CLSTN1: variants seen among roughly 807,000 people sequenced by gnomAD.
CLSTN1 encodes calsyntenin-1.
A neutral mutation model predicts 108.3 loss-of-function variants in CLSTN1; 28 were observed. The ratio of observed to expected loss-of-function variants is 0.26; its 90% confidence interval spans 0.19 to 0.35. CLSTN1 has a LOEUF of 0.35. CLSTN1 is among the 10% of genes least tolerant of loss of function. CLSTN1 has a pLI of 1.00. For synonymous variants in CLSTN1, 524 were observed against 534.9 expected (o/e 0.98, Z 0.28); for missense variants, 1,157 against 1,302.6 (o/e 0.89, Z 1.72).
chr1:9,810,946 T>C lies in CLSTN1; in HGVS notation c.91+12697A>G, dbSNP rs115063685. Among the ~76,000 whole-genome samples the C allele has an allele frequency of 7.3e-3, 1,113 of 152,302 alleles. 13 individuals carry two copies. The highest frequency in any genetic ancestry group is 0.025 in the African/African-American group (1,042 of 41,558). ...ACCCTCACAACAATGTATGATATACTTTATATGCAACAAGAAAAATGCAAT... is the reference window on the plus strand; with the variant it reads ...ACCCTCACAACAATGTATGATATACCTTATATGCAACAAGAAAAATGCAAT... On this transcript the variant is annotated intron_variant, in intron 1 of 18. Coordinates refer to ENST00000377298, the MANE Select transcript of CLSTN1 (RefSeq NM_001009566.3).
At position 9,733,989 on chromosome 1, in the gene CLSTN1, A is replaced by G; in HGVS notation, c.2264T>C (p.Leu755Pro). The change falls in exon 15 of 19, where the codon CTG (leucine) becomes CCG (proline). Residue 755 changes from leucine to proline, a missense_variant. Coordinates refer to ENST00000377298, the MANE Select transcript of CLSTN1 (RefSeq NM_001009566.3). ...CCCCTTACCTGTGAAGGTCATGCCC[A>G]GTTCAGAGCTGCTCACTTCAATGCC... ...QKGIEVSSSE[L>P]GMTFTGVDTM... 6.2e-7 allele frequency: 1 copy of G among 1,613,844 alleles called. No individual in the cohort carries two copies. The highest frequency in any genetic ancestry group is 8.5e-7 in the Non-Finnish European group (1 of 1,179,918).
At position 9,730,551 on chromosome 1, in the gene CLSTN1, C is replaced by T. The variant is rs750086603; in HGVS notation, c.2903G>A (p.Arg968Gln). Residue 968 changes from arginine to glutamine, a missense_variant, in exon 19 of 19, where the codon CGG becomes CAG. Coordinates refer to ENST00000377298, the MANE Select transcript of CLSTN1 (RefSeq NM_001009566.3). The surrounding 1 kb of genome is among the most constrained non-coding windows in gnomAD (Gnocchi z 5.6). ...GTCATCCCACTCCAGCTGCTGCTGC[C>T]GGGTTGCGTTCTGGGGGTCGCCCTG... ...GEQGDPQNAT[R>Q]QQQLEWDDST... The T allele has an allele frequency of 1.0e-5, 16 of 1,607,692 alleles. No individual in the cohort carries two copies. The highest frequency in any genetic ancestry group is 7.7e-5 in the South Asian group (7 of 91,064).
At chr1:9,785,856 C>T (rs1034915205) in intron 1 of CLSTN1, among the ~76,000 whole-genome samples, 3 of 151,740 alleles carry the variant, frequency 2.0e-5, no homozygotes, top group African/African-American at 4.8e-5. Context: ...GACACCCCAC[C>T]CAGCTTGAAG....
intron 2 of CLSTN1, among the ~76,000 whole-genome samples, chr1:9,760,898 C>A (rs1264784797): frequency 6.6e-6 from 1 of 151,866 alleles, no homozygotes; most frequent in Admixed American, 6.6e-5. Context: ...CACTCGCTAT[C>A]CTAAACTCAG....
intron 1 of CLSTN1, among the ~76,000 whole-genome samples, chr1:9,804,220 G>C (rs189924172): frequency 6.6e-6 from 1 of 151,912 alleles, no homozygotes; most frequent in Non-Finnish European, 1.5e-5. Flanking sequence ...AAAATTAGCC[G>C]GGCGTGGTGG....
intron 4 of CLSTN1, among the ~76,000 whole-genome samples, chr1:9,752,739 G>GT (rs1651612148): frequency 1.3e-5 from 2 of 152,048 alleles, no homozygotes; most frequent in Admixed American, 1.3e-4. Flanking sequence ...GAGCGTGCCT[G>GT]TAATCCCAGC....
chr1:9,790,459 T>C (rs1653711173), intron 1 of CLSTN1, among the ~76,000 whole-genome samples: 1 of 151,438 alleles, frequency 6.6e-6, no homozygotes, highest in South Asian at 2.2e-4. Context: ...GAAACAGTCT[T>C]ATGTATGTGG....
chr1:9,823,893 C>G lies in CLSTN1; in HGVS notation c.-160G>C. On this transcript the variant is annotated 5_prime_UTR_variant, in exon 1 of 19. Transcript: ENST00000377298. The surrounding 1 kb of genome is among the most constrained non-coding windows in gnomAD (Gnocchi z 6.3). Reference sequence around the variant, plus strand: ...CGCCGCCGCCGCCGTGACGCTGGGCCGCGCGCTCAGGACGCGGCGCCCTCC... The same window carrying G: ...CGCCGCCGCCGCCGTGACGCTGGGCGGCGCGCTCAGGACGCGGCGCCCTCC... 5.2e-6 allele frequency: 1 copy of G among 194,086 alleles called. No individual in the cohort carries two copies. Among genetic ancestry groups the G allele is most frequent in the Non-Finnish European group, 9.6e-6 (1 of 103,778 alleles). 12.0% of individuals were successfully genotyped at this position (194,086 alleles called of 1,614,324 possible). A position where few individuals can be genotyped will look rare whatever the true frequency, so the allele number is the denominator to read the frequency against.
At chr1:9,760,687 T>G (rs1017880252) in intron 2 of CLSTN1, among the ~76,000 whole-genome samples, 3 of 140,552 alleles carry the variant, frequency 2.1e-5, no homozygotes, top group East Asian at 2.0e-4. Flanking sequence ...TTCCCGGGTT[T>G]TTTTTTTTTT....
chr1:9,747,456 T>G (rs1048666444), intron 7 of CLSTN1, among the ~76,000 whole-genome samples: 13 of 152,106 alleles, frequency 8.5e-5, no homozygotes, highest in African/African-American at 3.1e-4. Context: ...CAGCATAATG[T>G]CTAGTTTTCT....
Position 9,773,870 on chromosome 1 carries a change from C to G in CLSTN1, c.92-476G>C, listed in dbSNP as rs183294019. 2.4e-4 allele frequency among the ~76,000 whole-genome samples: 36 copies of G among 151,926 alleles called. No individual in the cohort carries two copies. The East Asian group carries it at 6.4e-3, about 27-fold the overall frequency. The stretch of plus-strand genomic sequence containing the variant: ...CACTCAGCCTCCCAGGTAGCTGGGA[C>G]TATGTGTGTGCACCACCATACTTGA... On this transcript the variant is annotated intron_variant, in intron 1 of 18. Transcript: ENST00000377298.
chr1:9,731,742 C>T lies in CLSTN1; in HGVS notation c.2563+19G>A, dbSNP rs1472555326. The T allele has an allele frequency of 1.2e-6, 2 of 1,614,042 alleles. No individual in the cohort carries two copies. ...ACGGCATGGAGCATCTCCGCTTGGT[C>T]TCCCTCCCCATGTCCTACCTGCGAA... On this transcript the variant is annotated intron_variant, in intron 17 of 18. Coordinates refer to ENST00000377298, the MANE Select transcript of CLSTN1 (RefSeq NM_001009566.3).
At chr1:9,743,827 G>T in intron 9 of CLSTN1, 57 bp downstream of exon 9, 2 of 1,593,300 alleles carry the variant, frequency 1.3e-6, no homozygotes, top group Non-Finnish European at 1.7e-6. Flanking sequence ...CAAAGTGCTG[G>T]GATTATAGGT....
intron 1 of CLSTN1, among the ~76,000 whole-genome samples, chr1:9,786,648 CA>C (rs36003203): frequency 0.03 from 1,110 of 37,050 alleles, no homozygotes; most frequent in Middle Eastern, 0.043. Flanking sequence ...GACTCCGTCT[CA>C]AAAAAAAAAA....
At chr1:9,745,635 C>T (rs1389643208) in intron 7 of CLSTN1, among the ~76,000 whole-genome samples, 4 of 151,826 alleles carry the variant, frequency 2.6e-5, no homozygotes, top group Non-Finnish European at 4.4e-5. Context: ...CCAGCCTGGG[C>T]GAGTGCGACC....
In CLSTN1 at chr1:9,742,730, G is replaced by A. The variant is rs143007251; in HGVS notation, c.1356+1154C>T. Among the ~76,000 whole-genome samples the A allele has an allele frequency of 4.4e-3, 662 of 152,070 alleles. 12 individuals are homozygous for A. The highest frequency in any genetic ancestry group is 0.043 in the East Asian group (221 of 5,178). On this transcript the variant is annotated intron_variant, in intron 9 of 18. Transcript: ENST00000377298. Reference sequence around the variant, plus strand: ...GCTACCCAGCCTGACCAAAATGGTGGAACCCCATCTCTACTAAAAATACAA... The same window carrying A: ...GCTACCCAGCCTGACCAAAATGGTGAAACCCCATCTCTACTAAAAATACAA...
At position 9,817,930 on chromosome 1, in the gene CLSTN1, C is replaced by T. The variant is rs117550213; in HGVS notation, c.91+5713G>A. ...CAGGCTGACACAGTGGGGAGGCTGT[C>T]GCCATTTAAGGGTTCCTATATATGG... is the stretch of plus-strand genomic sequence containing the variant. On this transcript the variant is annotated intron_variant, in intron 1 of 18. Transcript: ENST00000377298. 9.8e-3 allele frequency among the ~76,000 whole-genome samples: 1,484 copies of T among 151,022 alleles called. 61 individuals carry two copies. In the East Asian group the frequency reaches 0.13, roughly 14 times the overall value.
At chr1:9,771,013 T>A (rs181646589) in intron 2 of CLSTN1, among the ~76,000 whole-genome samples, 1 of 151,678 alleles carries the variant, frequency 6.6e-6, no homozygotes, top group Admixed American at 6.6e-5. Flanking sequence ...CAAAACAAAA[T>A]AAAATAAAAT....
intron 1 of CLSTN1, among the ~76,000 whole-genome samples, chr1:9,818,879 C>T (rs1457095440): frequency 1.3e-5 from 2 of 149,982 alleles, no homozygotes; most frequent in East Asian, 2.0e-4. Context: ...CTCCACCTCC[C>T]GGGTTCACGC....
Sources: allele counts gnomAD v4.1 joint callset (sites outside exome capture counted in the v4.1 genomes callset), GRCh38; gene constraint gnomAD v4.1.1; non-coding constraint Gnocchi (gnomAD v3.1); transcripts MANE v1.5; gene names NCBI Gene and HGNC (gene_info 2026-07-23, HGNC 2026-07-21).